ANKRD62: variants seen among roughly 807,000 people sequenced by gnomAD.
ANKRD62 encodes ankyrin repeat domain-containing protein 62.
A neutral mutation model predicts 98.8 loss-of-function variants in ANKRD62; 61 were observed. The ratio of observed to expected loss-of-function variants is 0.62; its 90% CI spans 0.50 to 0.76. The LOEUF (loss-of-function observed/expected upper bound fraction) is 0.76. ANKRD62 is among the 30% of genes least tolerant of loss of function. The probability of loss-of-function intolerance (pLI) is 0.00; values close to 1 mark genes in which losing one functional copy is unlikely to be tolerated. For missense variants in ANKRD62, 933 were observed against 1,082.9 expected (o/e 0.86, Z 1.94); for synonymous variants, 341 against 367.9 (o/e 0.93, Z 0.84).
chr18:12,181,105 A>C, the ANKRD62 span, among the ~76,000 whole-genome samples: 2 of 151,542 alleles, frequency 1.3e-5, no homozygotes, highest in Non-Finnish European at 2.9e-5. Context: ...AAAAAAATTC[A>C]AGGAGGACAT....
In ANKRD62 at chr18:12,115,292, T is replaced by C. The variant is rs537332593; in HGVS notation, c.1099-101T>C. On this transcript the variant is annotated intron_variant, in intron 9 of 13. Coordinates refer to ENST00000587848, the MANE Select transcript of ANKRD62 (RefSeq NM_001277333.2). ...CAGTTATTTTAAGAAGTACCTGTGT[T>C]TTTGCTCATGTAAAAAGACGGATAA... 16 of 1,320,168 alleles carry C rather than the reference T, an allele frequency of 1.2e-5. No homozygotes were observed. In the African/African-American group the frequency reaches 2.2e-4, roughly 18 times the overall value. 81.8% of individuals were successfully genotyped at this position (1,320,168 alleles called of 1,614,324 possible). A position where few individuals can be genotyped will look rare whatever the true frequency, so the allele number is the denominator to read the frequency against.
intron 8 of ANKRD62, among the ~76,000 whole-genome samples, chr18:12,111,447 C>T (rs1435346609): frequency 1.3e-5 from 2 of 152,058 alleles, no homozygotes; most frequent in Non-Finnish European, 2.9e-5. Context: ...CCACAGCAAA[C>T]GTCATACTGA....
In ANKRD62 at chr18:12,095,728, T is replaced by A. The variant is rs1203975479; in HGVS notation, c.507+118T>A. 7.4e-6 allele frequency: 7 copies of A among 952,216 alleles called. No individual in the cohort carries two copies. The East Asian group carries it at 1.6e-4, about 22-fold the overall frequency. 59.0% of individuals were successfully genotyped at this position (952,216 alleles called of 1,614,324 possible). On this transcript the variant is annotated intron_variant, in intron 3 of 13. Transcript: ENST00000587848. The stretch of plus-strand genomic sequence containing the variant: ...AAGGAAATATATTACGTGCAAATAT[T>A]TGCTTTACATACAACTATTTAAAAA...
chr18:12,130,880 T>C (rs1909993220), downstream of ANKRD62, among the ~76,000 whole-genome samples: 1 of 152,036 alleles, frequency 6.6e-6, no homozygotes, highest in Non-Finnish European at 1.5e-5. Flanking sequence ...TTAGTAGAGA[T>C]GGTTTCACCA....
intron 8 of ANKRD62, 76 bp from the exon 9 acceptor site, chr18:12,115,012 A>G: frequency 8.8e-7 from 1 of 1,133,720 alleles, no homozygotes; most frequent in Non-Finnish European, 1.1e-6. Context: ...GATTTTATAT[A>G]AAAAAGTTTT....
chr18:12,113,083 T>C (rs1256564924), intron 8 of ANKRD62, among the ~76,000 whole-genome samples: 1 of 152,044 alleles, frequency 6.6e-6, no homozygotes, highest in African/African-American at 2.4e-5. Flanking sequence ...TTAGCAGAGA[T>C]GGGTTTTTGC....
intron 7 of ANKRD62, among the ~76,000 whole-genome samples, chr18:12,103,760 GGCACTTTTGGTGTTTGGGTTCAAGCAAAA>G (rs1374310902): frequency 1.3e-5 from 2 of 152,016 alleles, no homozygotes; most frequent in African/African-American, 4.8e-5. Context: ...CTTGCAAAAT[GGCACTTTTGGTGTTTGGGTTCAAGCAAAA>G]ATGTTCCCAA....
In ANKRD62 at chr18:12,104,814, C is replaced by A. The variant is rs575581252; in HGVS notation, c.891+1586C>A. Among the ~76,000 whole-genome samples, 5 of 152,236 alleles carry A rather than the reference C, an allele frequency of 3.3e-5. No individual in the cohort carries two copies. The East Asian group carries it at 7.7e-4, about 23-fold the overall frequency. ...AAAAATAGTGCAGCCTCATAAATGT[C>A]TTTTGATCTCATTTATACTCTTGGC... is the stretch of plus-strand genomic sequence containing the variant. On this transcript the variant is annotated intron_variant, in intron 7 of 13. Coordinates refer to ENST00000587848, the MANE Select transcript of ANKRD62 (RefSeq NM_001277333.2).
At chr18:12,162,578 C>CA in the ANKRD62 span, among the ~76,000 whole-genome samples, 1 of 151,924 alleles carries the variant, frequency 6.6e-6, no homozygotes. Context: ...GGGCATTGCT[C>CA]AAAAAAATCT....
intron 9 of ANKRD62, 118 bp from the exon 10 acceptor site, chr18:12,115,275 T>A (rs1909636646): frequency 7.8e-7 from 1 of 1,284,116 alleles, no homozygotes. Flanking sequence ...GTCAGTTATT[T>A]TAAGAAGTAC....
chr18:12,122,392 G>C lies in ANKRD62; in HGVS notation c.1330G>C (p.Val444Leu). The C allele has an allele frequency of 6.5e-7, 1 of 1,535,462 alleles. No homozygotes were observed. The highest frequency in any genetic ancestry group is 8.7e-7 in the Non-Finnish European group (1 of 1,146,630). ...DQKCYCERLK[V>L]KFQKMKNNIS... ...AAAATGTTACTGTGAACGACTTAAA[G>C]TAAAATTTCAAAAAATGAAAAATAA... Residue 444 changes from valine (V) to leucine (L), a missense_variant, in exon 11 of 14, where the codon GTA becomes CTA. Physicochemically the swap from Val to Leu is conservative, Grantham distance 32. Transcript: ENST00000587848.
At chr18:12,096,838 A>T (rs1166886742) in intron 4 of ANKRD62, among the ~76,000 whole-genome samples, 1 of 152,150 alleles carries the variant, frequency 6.6e-6, no homozygotes, top group Non-Finnish European at 1.5e-5. Context: ...CTATTGCCAG[A>T]TACTGTGGGT....
intron 11 of ANKRD62, among the ~76,000 whole-genome samples, chr18:12,123,547 A>G (rs897698747): frequency 3.3e-5 from 5 of 152,226 alleles, no homozygotes; most frequent in African/African-American, 1.2e-4. Flanking sequence ...TTTGTAAAAT[A>G]CATACTAATC....
At position 12,126,184 on chromosome 18, in the gene ANKRD62, A is replaced by G; in HGVS notation, c.2363A>G (p.Gln788Arg). 1 of 1,536,146 alleles carries G rather than the reference A, an allele frequency of 6.5e-7. No individual in the cohort carries two copies. The highest frequency in any genetic ancestry group is 8.7e-7 in the Non-Finnish European group (1 of 1,146,856). ...CAAAGCCAAAATCTGTTGTATCAAC[A>G]GCAGTGTAATGATGCTCGCAAGAAA... Reference protein sequence around the residue: ...QLQSQNLLYQQQCNDARKKAD... With the variant: ...QLQSQNLLYQRQCNDARKKAD... The change falls in exon 13 of 14, where the codon CAG becomes CGG. Residue 788 changes from glutamine to arginine, a missense_variant. Transcript: ENST00000587848.
downstream of ANKRD62, among the ~76,000 whole-genome samples, chr18:12,132,794 A>G (rs1056958627): frequency 2.6e-5 from 4 of 152,038 alleles, no homozygotes; most frequent in Non-Finnish European, 5.9e-5. Flanking sequence ...GGAGAAGGTT[A>G]AGTTGATATT....
At chr18:12,146,218 C>G in the ANKRD62 span, among the ~76,000 whole-genome samples, 1 of 152,152 alleles carries the variant, frequency 6.6e-6, no homozygotes, top group Non-Finnish European at 1.5e-5. Flanking sequence ...TGTGGGACCT[C>G]CCAACCGGGG....
intron 11 of ANKRD62, among the ~76,000 whole-genome samples, chr18:12,123,813 A>G (rs1338012145): frequency 6.6e-6 from 1 of 152,230 alleles, no homozygotes; most frequent in Non-Finnish European, 1.5e-5. Flanking sequence ...CTAACTCTAA[A>G]TGATTCATCC....
the ANKRD62 span, among the ~76,000 whole-genome samples, chr18:12,171,008 C>G: frequency 6.7e-6 from 1 of 149,998 alleles, no homozygotes; most frequent in African/African-American, 2.5e-5. Context: ...TCCTCCATCC[C>G]TTTATTTTGA....
chr18:12,173,088 C>T, the ANKRD62 span, among the ~76,000 whole-genome samples: 1 of 151,974 alleles, frequency 6.6e-6, no homozygotes, highest in African/African-American at 2.4e-5. Flanking sequence ...TGCTTTGGTT[C>T]ATGCTCCATG....
Sources: allele counts gnomAD v4.1 joint callset (sites outside exome capture counted in the v4.1 genomes callset), GRCh38; gene constraint gnomAD v4.1.1; transcripts MANE v1.5; gene names NCBI Gene and HGNC (gene_info 2026-07-23, HGNC 2026-07-21).